DIPK1A: variants seen among roughly 807,000 people sequenced by gnomAD.
DIPK1A encodes family with sequence similarity 69 member A.
Under a neutral mutation model 40.8 loss-of-function variants are expected in DIPK1A, and 27 were observed. That is an observed-to-expected ratio of 0.66 (90% CI 0.49 to 0.91). The LOEUF is 0.91. Ranked by LOEUF, DIPK1A falls within the 40% of genes least tolerant of loss-of-function variation. DIPK1A has a pLI of 0.00. For synonymous variants in DIPK1A, 166 were observed against 171.3 expected, an observed-to-expected ratio of 0.97 and a Z score of 0.24; for missense variants, 412 against 505.7, an observed-to-expected ratio of 0.81 and a Z score of 1.78.
intron 2 of DIPK1A, among the ~76,000 whole-genome samples, chr1:92,867,801 C>T (rs547043482): frequency 6.6e-6 from 1 of 152,202 alleles, no homozygotes; most frequent in South Asian, 2.1e-4. Context: ...CCACCGTGCC[C>T]GGCCGTAAAC....
Position 92,887,904 on chromosome 1 carries a change from A to G in DIPK1A, c.55-11474T>C, listed in dbSNP as rs139812604. ...CTGCACTCACTCTACTCTACTGCCT[A>G]TTGCATTAAATACATAAATAGTTAC... On this transcript the variant is annotated intron_variant, in intron 1 of 4. Transcript: ENST00000370310. 1.8e-3 allele frequency among the ~76,000 whole-genome samples: 278 copies of G among 152,140 alleles called. 1 individual carries two copies. Among genetic ancestry groups the G allele is most frequent in the African/African-American group, 6.5e-3 (269 of 41,524 alleles).
intron 2 of DIPK1A, among the ~76,000 whole-genome samples, chr1:92,864,155 A>G (rs1455427530): frequency 6.6e-6 from 1 of 152,236 alleles, no homozygotes; most frequent in Non-Finnish European, 1.5e-5. Flanking sequence ...ATAATGGCAG[A>G]AAAGAAACTT....
At chr1:92,850,800 A>C in intron 3 of DIPK1A, 48 bp downstream of exon 3, 1 of 1,184,504 alleles carries the variant, frequency 8.4e-7, no homozygotes, top group Non-Finnish European at 1.2e-6. Context: ...TTTCTGGTAA[A>C]ATTAGAGTAC....
intron 4 of DIPK1A, chr1:92,833,196 T>C: frequency 1.5e-6 from 1 of 651,832 alleles, no homozygotes; most frequent in East Asian, 2.7e-5. Context: ...TTTATGAAAC[T>C]ACTAGTCTGT....
At chr1:92,889,811 C>G (rs1648776143) in intron 1 of DIPK1A, among the ~76,000 whole-genome samples, 1 of 152,048 alleles carries the variant, frequency 6.6e-6, no homozygotes, top group Admixed American at 6.6e-5. Flanking sequence ...CCATGCTCAG[C>G]TAATTATTTT....
chr1:92,840,363 T>G, downstream of DIPK1A: 1 of 563,636 alleles, frequency 1.8e-6, no homozygotes, highest in Non-Finnish European at 3.2e-6. Flanking sequence ...TCACATTGCA[T>G]AAGGTGAAAA....
At chr1:92,883,006 T>C (rs939719542) in intron 1 of DIPK1A, among the ~76,000 whole-genome samples, 1 of 152,216 alleles carries the variant, frequency 6.6e-6, no homozygotes, top group African/African-American at 2.4e-5. Context: ...ACACAGGAAG[T>C]GTCACAGACA....
chr1:92,907,735 C>A (rs927941458), intron 1 of DIPK1A, among the ~76,000 whole-genome samples: 1 of 152,124 alleles, frequency 6.6e-6, no homozygotes, highest in East Asian at 1.9e-4. Context: ...AGCCACCATG[C>A]GCAGCCTGTT....
At chr1:92,884,865 A>G (rs1358743488) in intron 1 of DIPK1A, among the ~76,000 whole-genome samples, 1 of 152,218 alleles carries the variant, frequency 6.6e-6, no homozygotes, top group Non-Finnish European at 1.5e-5. Flanking sequence ...TAATATAACA[A>G]TTTTCAACAC....
chr1:92,878,800 G>A (rs1281035033), intron 1 of DIPK1A, among the ~76,000 whole-genome samples: 1 of 151,338 alleles, frequency 6.6e-6, no homozygotes, highest in Non-Finnish European at 1.5e-5. Flanking sequence ...CAGCCTGGGC[G>A]ACAGCGAGAC....
rs114839622 is a variant in DIPK1A, at chr1:92,956,963, T to G, written c.54+4413A>C. Among the ~76,000 whole-genome samples the G allele has an allele frequency of 1.9e-3, 290 of 152,344 alleles. 2 individuals carry two copies. Among genetic ancestry groups the G allele is most frequent in the African/African-American group, 6.5e-3 (270 of 41,580 alleles). On this transcript the variant is annotated intron_variant, in intron 1 of 4. Transcript: ENST00000370310. ...ATGGGACTTCAAATTCCATTAGAAC[T>G]GCACCAACTTTTCATATGCAACAGA...
chr1:92,897,690 A>C (rs2100815390), intron 1 of DIPK1A, among the ~76,000 whole-genome samples: 1 of 151,898 alleles, frequency 6.6e-6, no homozygotes, highest in Middle Eastern at 3.4e-3. Context: ...TTCTTCATTG[A>C]CCCATTGGTC....
intron 2 of DIPK1A, among the ~76,000 whole-genome samples, chr1:92,859,539 CAT>C (rs2100743563): frequency 6.6e-6 from 1 of 152,294 alleles, no homozygotes; most frequent in Admixed American, 6.5e-5. Context: ...AGATGTCTCT[CAT>C]ATCCAAATCA....
chr1:92,885,815 T>C (rs888054888), intron 1 of DIPK1A, among the ~76,000 whole-genome samples: 1 of 152,188 alleles, frequency 6.6e-6, no homozygotes, highest in Admixed American at 6.5e-5. Flanking sequence ...TAATGCCAGA[T>C]TGTTATGCCC....
In DIPK1A at chr1:92,876,338, G is replaced by T; in HGVS notation, c.147C>A (p.Thr49=). ...CCTTTCCTCTGCATAATTCTGTATA[G>T]GTAGAATACTGCACATATATAATCC... is the stretch of plus-strand genomic sequence containing the variant. ...GSWIIYVQYS[T]YTELCRGKDC... Residue 49 remains threonine (T), a synonymous_variant, in exon 2 of 5, where the codon ACC becomes ACA. Coordinates refer to ENST00000370310, the MANE Select transcript of DIPK1A (RefSeq NM_001006605.5). The T allele has an allele frequency of 6.3e-7, 1 of 1,598,196 alleles. No homozygotes were observed. The highest frequency in any genetic ancestry group is 8.6e-7 in the Non-Finnish European group (1 of 1,167,010).
chr1:92,866,962 T>C (rs574354324), intron 2 of DIPK1A, among the ~76,000 whole-genome samples: 234 of 152,290 alleles, frequency 1.5e-3, no homozygotes, highest in Middle Eastern at 6.8e-3. Flanking sequence ...AAATAATGTG[T>C]GTGTGTGTGT....
chr1:92,865,568 C>T (rs918775193), intron 2 of DIPK1A, among the ~76,000 whole-genome samples: 16 of 152,198 alleles, frequency 1.1e-4, no homozygotes, highest in African/African-American at 3.9e-4. Flanking sequence ...CATTCCCACT[C>T]CATTTCCCTT....
chr1:92,944,583 C>T (rs1469828568), intron 1 of DIPK1A, among the ~76,000 whole-genome samples: 2 of 150,560 alleles, frequency 1.3e-5, no homozygotes, highest in African/African-American at 4.8e-5. Flanking sequence ...CAGAATTCTA[C>T]ACTGAGCCCA....
rs755415075 is a variant in DIPK1A, at chr1:92,876,419, T to C, written c.66A>G (p.Ser22=). The change falls in exon 2 of 5, where the codon TCA becomes TCG. Residue 22 remains serine (S), a synonymous_variant. Coordinates refer to ENST00000370310, the MANE Select transcript of DIPK1A (RefSeq NM_001006605.5). ...AGAAAAGATATTTCATCCGCACATA[T>C]GAGAAGCGAGCCTGTGAGTAAAAAA... is the stretch of plus-strand genomic sequence containing the variant. ...RKPYYLQARF[S]YVRMKYLFFS... The C allele has an allele frequency of 6.2e-7, 1 of 1,612,018 alleles. No homozygotes were observed. Among genetic ancestry groups the C allele is most frequent in the Non-Finnish European group, 8.5e-7 (1 of 1,179,206 alleles).
Sources: gnomAD v4.1 joint callset for allele counts (sites outside exome capture counted in the v4.1 genomes callset) on GRCh38, gnomAD v4.1.1 for gene constraint, MANE v1.5 for transcripts, NCBI Gene and HGNC (gene_info 2026-07-23, HGNC 2026-07-21) for gene names.